UBD: variants seen among roughly 807,000 people sequenced by gnomAD.
The protein encoded by UBD is ubiquitin D.
Under a neutral mutation model 2.3 loss-of-function variants are expected in UBD, and 1 was observed. That is an observed-to-expected ratio of 0.43 (90% confidence interval 0.15 to 2.06). The LOEUF is 2.06. Among genes scored for constraint, UBD ranks in the 30% most tolerant of loss-of-function variants. UBD has a pLI of 0.29. For synonymous variants in UBD, 75 were observed against 76.5 expected (o/e 0.98, Z 0.10); for missense variants, 175 against 199.3 (o/e 0.88, Z 0.73).
At chr6:29,559,390 T>C (rs1326562204) in intron 1 of UBD, among the ~76,000 whole-genome samples, 1 of 152,260 alleles carries the variant, frequency 6.6e-6, no homozygotes, top group African/African-American at 2.4e-5. Flanking sequence ...TCACCAGCCC[T>C]GTGGAACACA....
In UBD at chr6:29,555,721, G is replaced by A. The variant is rs1762474531; in HGVS notation, c.*159C>T. ...TGTGTTAGAATCAAAGAAACATAGA[G>A]TTGGGCAATATACTTCATCCTACCC... is the stretch of plus-strand genomic sequence containing the variant. On this transcript the variant is annotated 3_prime_UTR_variant, in exon 2 of 2. Transcript: ENST00000377050. 3 of 602,418 alleles carry A rather than the reference G, an allele frequency of 5.0e-6. No homozygotes were observed. The highest frequency in any genetic ancestry group is 5.9e-5 in the Admixed American group (2 of 33,798). 37.3% of individuals were successfully genotyped at this position (602,418 alleles called of 1,614,324 possible). A position where few individuals can be genotyped will look rare whatever the true frequency, so the allele number is the denominator to read the frequency against.
chr6:29,559,428 A>G (rs1762690941), intron 1 of UBD, among the ~76,000 whole-genome samples: 1 of 152,176 alleles, frequency 6.6e-6, no homozygotes, highest in Non-Finnish European at 1.5e-5. Context: ...TTCTTCTACC[A>G]TTTATCCCTA....
rs746792182 is a variant in UBD, at chr6:29,556,267, G to T, written c.111C>A (p.Val37=). 1 of 1,613,108 alleles carries T rather than the reference G, an allele frequency of 6.2e-7. No homozygotes were observed. Among genetic ancestry groups the T allele is most frequent in the East Asian group, 2.2e-5 (1 of 44,886 alleles). Residue 37 remains valine (V), a synonymous_variant, in exon 2 of 2, where the codon GTC becomes GTA. Transcript: ENST00000377050. ...GCACAGGAACCTTGGTCTTAGACCG[G>T]ACATGTTCTTTGATTTTTTTCACGC... The part of the protein sequence containing the change: ...YDSVKKIKEH[V]RSKTKVPVQD...
At chr6:29,559,550 C>A in intron 1 of UBD, 125 bp downstream of exon 1, 1 of 912,612 alleles carries the variant, frequency 1.1e-6, no homozygotes. Context: ...AGCCTCTTCT[C>A]CTGAAGGATG....
At chr6:29,558,927 G>A (rs1048007874) in intron 1 of UBD, among the ~76,000 whole-genome samples, 4 of 152,214 alleles carry the variant, frequency 2.6e-5, no homozygotes, top group African/African-American at 4.8e-5. Flanking sequence ...GCGGCCTGCG[G>A]CCATTTTGGA....
At chr6:29,559,525 G>A in intron 1 of UBD, 150 bp downstream of exon 1, 1 of 711,280 alleles carries the variant, frequency 1.4e-6, no homozygotes, top group Non-Finnish European at 2.4e-6. Context: ...TTCCCATTCT[G>A]CAAATGTCAA....
At chr6:29,559,298 T>C (rs1014454733) in intron 1 of UBD, among the ~76,000 whole-genome samples, 1 of 152,234 alleles carries the variant, frequency 6.6e-6, no homozygotes, top group Non-Finnish European at 1.5e-5. Context: ...TTCAGATGAA[T>C]GAGTTTTGTG....
chr6:29,556,237 G>C lies in UBD; in HGVS notation c.141C>G (p.Asp47Glu). 1 of 1,613,036 alleles carries C rather than the reference G, an allele frequency of 6.2e-7. No homozygotes were observed. The highest frequency in any genetic ancestry group is 1.1e-5 in the South Asian group (1 of 91,070). ...TCTTGGAGCCCAGCAAAAGAACCTG[G>C]TCCTGCACAGGAACCTTGGTCTTAG... ...VRSKTKVPVQ[D>E]QVLLLGSKIL... is the part of the protein sequence containing the mutation. The change falls in exon 2 of 2, where the codon GAC becomes GAG. Residue 47 changes from aspartate (D) to glutamate (E), a missense_variant. Physicochemically the swap from Asp to Glu is conservative, Grantham distance 45. Transcript: ENST00000377050.
intron 1 of UBD, among the ~76,000 whole-genome samples, chr6:29,558,477 C>T (rs11970406): frequency 0.13 from 20,075 of 152,222 alleles, 2,985 homozygotes; most frequent in African/African-American, 0.37. Flanking sequence ...ACGCTACCCT[C>T]TTTGGGTCCC....
rs762608599 is a variant in UBD at position 29,556,299 on chromosome 6, A to G, written c.79T>C (p.Tyr27His). The change falls in exon 2 of 2, where the codon TAT becomes CAT. Residue 27 changes from tyrosine (Y) to histidine (H), a missense_variant. Physicochemically the swap from Tyr to His is moderately conservative, Grantham distance 83. Transcript: ENST00000377050. ...TCTTTGATTTTTTTCACGCTGTCAT[A>G]TGGGTTGGCATCAAAGGTCATTAAA... ...WDLMTFDANPYDSVKKIKEHV... is the reference protein window; with the variant it reads ...WDLMTFDANPHDSVKKIKEHV... The G allele has an allele frequency of 1.2e-6, 2 of 1,612,948 alleles. No homozygotes were observed. Among genetic ancestry groups the G allele is most frequent in the Non-Finnish European group, 1.7e-6 (2 of 1,179,992 alleles).
At chr6:29,557,395 C>T (rs1325162550) in intron 1 of UBD, 2 of 152,198 alleles carry the variant, frequency 1.3e-5, no homozygotes, top group Non-Finnish European at 2.9e-5. Context: ...TGACCATGGA[C>T]TGGTTCTGGC....
chr6:29,559,114 C>A (rs1762673159), intron 1 of UBD, among the ~76,000 whole-genome samples: 3 of 152,320 alleles, frequency 2.0e-5, no homozygotes, highest in African/African-American at 7.2e-5. Context: ...CCCCTAATGG[C>A]CACTTGAAAG....
chr6:29,558,652 G>A (rs1242748073), intron 1 of UBD, among the ~76,000 whole-genome samples: 1 of 152,192 alleles, frequency 6.6e-6, no homozygotes, highest in East Asian at 1.9e-4. Context: ...GATCTGGCAG[G>A]GTGTCCGCTG....
chr6:29,558,403 A>G lies in UBD; in HGVS notation c.27+1272T>C, dbSNP rs182721050. ...GAGGTAAAGATATAGCCAATCATCT[A>G]TTGCCTGAGATCACAGCGGGAGGGA... On this transcript the variant is annotated intron_variant, in intron 1 of 1. Coordinates refer to ENST00000377050, the MANE Select transcript of UBD (RefSeq NM_006398.4). Among the ~76,000 whole-genome samples the G allele has an allele frequency of 4.0e-3, 614 of 152,322 alleles. 4 individuals carry two copies. The highest frequency in any genetic ancestry group is 0.014 in the African/African-American group (567 of 41,562).
chr6:29,557,946 C>T (rs983256754), intron 1 of UBD, among the ~76,000 whole-genome samples: 6 of 152,146 alleles, frequency 3.9e-5, no homozygotes, highest in African/African-American at 1.2e-4. Flanking sequence ...CAAGTAAATA[C>T]GAGGCTTCAA....
intron 1 of UBD, among the ~76,000 whole-genome samples, chr6:29,558,051 TC>T (rs1762614236): frequency 6.6e-6 from 1 of 152,214 alleles, no homozygotes; most frequent in Non-Finnish European, 1.5e-5. Context: ...ATACCCTCTG[TC>T]AATACTTCAG....
intron 1 of UBD, 107 bp downstream of exon 1, chr6:29,559,568 A>G: frequency 2.6e-6 from 3 of 1,164,296 alleles, no homozygotes; most frequent in Non-Finnish European, 3.7e-6. Flanking sequence ...ATGCCTGCCC[A>G]GCCCCCCAGA....
intron 1 of UBD, among the ~76,000 whole-genome samples, chr6:29,559,220 C>T (rs1017228427): frequency 2.6e-5 from 4 of 152,186 alleles, no homozygotes; most frequent in Non-Finnish European, 5.9e-5. Context: ...TAAGCATTGC[C>T]TTAATTCCAG....
chr6:29,559,648 C>T, intron 1 of UBD, 27 bp downstream of exon 1: 1 of 1,612,828 alleles, frequency 6.2e-7, no homozygotes, highest in Non-Finnish European at 8.5e-7. Context: ...TTCCTTTCCC[C>T]ATCCCCTTTA....
Sources: allele counts gnomAD v4.1 joint callset (sites outside exome capture counted in the v4.1 genomes callset), GRCh38; gene constraint gnomAD v4.1.1; transcripts MANE v1.5; gene names NCBI Gene and HGNC (gene_info 2026-07-23, HGNC 2026-07-21).